SEMA6D: variants seen among roughly 807,000 people sequenced by gnomAD.
SEMA6D encodes semaphorin-6D.
Under a neutral mutation model 106.6 loss-of-function variants are expected in SEMA6D, and 35 were observed. The observed-to-expected ratio is 0.33, with a 90% CI of 0.25 to 0.44. The LOEUF (loss-of-function observed/expected upper bound fraction) is 0.44. Among genes scored for constraint, SEMA6D ranks in the 20% least tolerant of loss-of-function variants. The pLI is 1.00. For missense variants in SEMA6D, 1,185 were observed against 1,345.9 expected, an observed-to-expected ratio of 0.88 and a Z score of 1.87; for synonymous variants, 499 against 487.7, an observed-to-expected ratio of 1.02 and a Z score of -0.31.
chr15:47,711,176 G>A (rs2079012324), intron 4 of SEMA6D, among the ~76,000 whole-genome samples: 1 of 151,094 alleles, frequency 6.6e-6, no homozygotes, highest in South Asian at 2.1e-4. Flanking sequence ...CGGGCGTAGT[G>A]GCGGGCGCCT....
chr15:47,526,990 G>A (rs926691449), intron 3 of SEMA6D, among the ~76,000 whole-genome samples: 6 of 152,132 alleles, frequency 3.9e-5, no homozygotes, highest in Non-Finnish European at 5.9e-5. Context: ...GCCCGCCTAA[G>A]CCTCCCAAAG....
intron 3 of SEMA6D, among the ~76,000 whole-genome samples, chr15:47,552,799 TATATAAAA>T (rs1406663001): frequency 9.6e-5 from 5 of 52,024 alleles, no homozygotes; most frequent in African/African-American, 4.9e-4. Context: ...TTTTTATATA[TATATAAAA>T]ATATATATAA....
intron 3 of SEMA6D, among the ~76,000 whole-genome samples, chr15:47,513,919 T>C (rs2141829325): frequency 6.6e-6 from 1 of 152,314 alleles, no homozygotes; most frequent in South Asian, 2.1e-4. Flanking sequence ...TGGACCTGTT[T>C]CAACAAATCA....
intron 4 of SEMA6D, among the ~76,000 whole-genome samples, chr15:47,628,183 A>T (rs2077234683): frequency 6.6e-6 from 1 of 152,114 alleles, no homozygotes; most frequent in African/African-American, 2.4e-5. Flanking sequence ...TATTATAAAT[A>T]AAACTATTAT....
intron 2 of SEMA6D, among the ~76,000 whole-genome samples, chr15:47,422,167 C>CGCCT (rs1453236459): frequency 6.2e-5 from 4 of 64,468 alleles, no homozygotes; most frequent in Admixed American, 3.8e-4. Flanking sequence ...ATTTTTTGCC[C>CGCCT]GCCCGCCTGC....
chr15:47,747,056 T>C (rs2081185535), intron 1 of SEMA6D, among the ~76,000 whole-genome samples: 1 of 150,654 alleles, frequency 6.6e-6, no homozygotes, highest in Non-Finnish European at 1.5e-5. Flanking sequence ...CAAGTTATTA[T>C]ATTGATGTCT....
intron 1 of SEMA6D, among the ~76,000 whole-genome samples, chr15:47,276,453 A>G (rs1044612583): frequency 1.4e-4 from 21 of 152,262 alleles, no homozygotes; most frequent in Middle Eastern, 3.4e-3. Flanking sequence ...GTTGAAGCCA[A>G]TGCTCATTTG....
At chr15:47,454,084 A>T (rs1463820776) in intron 2 of SEMA6D, among the ~76,000 whole-genome samples, 1 of 151,902 alleles carries the variant, frequency 6.6e-6, no homozygotes, top group Non-Finnish European at 1.5e-5. Flanking sequence ...GAACATATTT[A>T]AAACAGTACA....
chr15:47,616,890 T>G (rs1369712950), intron 4 of SEMA6D, among the ~76,000 whole-genome samples: 1 of 152,172 alleles, frequency 6.6e-6, no homozygotes, highest in African/African-American at 2.4e-5. Context: ...ATTGCACATA[T>G]GTTGAGAAGT....
chr15:47,188,064 C>T (rs1357166189), intron 1 of SEMA6D, among the ~76,000 whole-genome samples: 2 of 152,046 alleles, frequency 1.3e-5, no homozygotes, highest in African/African-American at 4.8e-5. Flanking sequence ...GCTTTAATTC[C>T]ACTCACTTTT....
At chr15:47,268,028 C>T (rs927569081) in intron 1 of SEMA6D, among the ~76,000 whole-genome samples, 2 of 152,058 alleles carry the variant, frequency 1.3e-5, no homozygotes, top group Non-Finnish European at 2.9e-5. Context: ...CTGGTGTTAT[C>T]TGGAAGCTTA....
At chr15:47,529,465 A>C (rs2044875761) in intron 3 of SEMA6D, among the ~76,000 whole-genome samples, 1 of 152,186 alleles carries the variant, frequency 6.6e-6, no homozygotes, top group African/African-American at 2.4e-5. Context: ...GGGGAGGCTC[A>C]AAGTAGGGAT....
chr15:47,624,416 T>C (rs1243110274), intron 4 of SEMA6D, among the ~76,000 whole-genome samples: 2 of 152,244 alleles, frequency 1.3e-5, no homozygotes, highest in African/African-American at 4.8e-5. Flanking sequence ...CTGGTAGGAC[T>C]GTGTCATTTT....
chr15:47,243,364 G>C (rs972219836), intron 1 of SEMA6D, among the ~76,000 whole-genome samples: 11 of 151,344 alleles, frequency 7.3e-5, no homozygotes, highest in Non-Finnish European at 1.5e-4. Context: ...CAGATTTTAA[G>C]AGCCCAGGAG....
chr15:47,659,239 G>A (rs2077867521), intron 4 of SEMA6D, among the ~76,000 whole-genome samples: 1 of 151,754 alleles, frequency 6.6e-6, no homozygotes, highest in African/African-American at 2.4e-5. Context: ...TTTGATTTTA[G>A]CACATTATAT....
chr15:47,486,207 G>A lies in SEMA6D; in HGVS notation c.-87+15662G>A, dbSNP rs75456811. Among the ~76,000 whole-genome samples, 30 of 152,314 alleles carry A rather than the reference G, an allele frequency of 2.0e-4. No homozygotes were observed. In the East Asian group the frequency reaches 5.0e-3, roughly 25 times the overall value. ...ACAATCTCAGCCTATGAAAAGGACA[G>A]CTGCAGTCAATGTTCCCACTAATAT... On this transcript the variant is annotated intron_variant, in intron 3 of 19. Transcript: ENST00000558014.
At chr15:47,242,547 G>A (rs779882670) in intron 1 of SEMA6D, among the ~76,000 whole-genome samples, 3 of 152,092 alleles carry the variant, frequency 2.0e-5, no homozygotes, top group Admixed American at 1.3e-4. Flanking sequence ...GAGCCATAGG[G>A]CATATGCATA....
chr15:47,425,130 GAA>G (rs2041289086), intron 2 of SEMA6D, among the ~76,000 whole-genome samples: 1 of 152,070 alleles, frequency 6.6e-6, no homozygotes, highest in Non-Finnish European at 1.5e-5. Flanking sequence ...AGGAATCATT[GAA>G]AAGTCTGTCA....
intron 3 of SEMA6D, among the ~76,000 whole-genome samples, chr15:47,488,464 G>A (rs536372282): frequency 6.8e-6 from 1 of 147,650 alleles, no homozygotes; most frequent in African/African-American, 2.5e-5. Context: ...CATACAGTTA[G>A]ATCTCATTTT....
Sources: gnomAD v4.1 joint callset for allele counts (sites outside exome capture counted in the v4.1 genomes callset) on GRCh38, gnomAD v4.1.1 for gene constraint, MANE v1.5 for transcripts, NCBI Gene and HGNC (gene_info 2026-07-23, HGNC 2026-07-21) for gene names.